Variants in CTNNBL1 observed in about 807,000 individuals in gnomAD.
CTNNBL1 encodes the protein beta-catenin-like protein 1.
A neutral mutation model predicts 72.7 loss-of-function variants in CTNNBL1; 31 were observed. The ratio of observed to expected loss-of-function variants is 0.43; its 90% CI spans 0.32 to 0.58. The LOEUF is 0.58. CTNNBL1 is among the 20% of genes least tolerant of loss of function. The pLI is 0.08. For synonymous variants in CTNNBL1, 240 were observed against 267.3 expected, an observed-to-expected ratio of 0.90 and a Z score of 1.00; for missense variants, 534 against 725.1, an observed-to-expected ratio of 0.74 and a Z score of 3.03.
intron 11 of CTNNBL1, among the ~76,000 whole-genome samples, chr20:37,832,051 G>C (rs893968810): frequency 3.3e-5 from 5 of 152,228 alleles, no homozygotes; most frequent in African/African-American, 1.2e-4. Context: ...ACTGTCTGCA[G>C]GTCTCCCAGA....
At chr20:37,834,515 C>A (rs1244584642) in intron 11 of CTNNBL1, among the ~76,000 whole-genome samples, 1 of 152,146 alleles carries the variant, frequency 6.6e-6, no homozygotes, top group Admixed American at 6.5e-5. Flanking sequence ...ATTTTTTAAT[C>A]CACATTTACA....
chr20:37,720,227 A>G (rs1220266547), intron 1 of CTNNBL1, among the ~76,000 whole-genome samples: 4 of 151,884 alleles, frequency 2.6e-5, no homozygotes, highest in Admixed American at 2.6e-4. Context: ...AGGGGGTTTC[A>G]CCATGTTAGC....
At chr20:37,762,033 A>G (rs1009704285) in intron 5 of CTNNBL1, among the ~76,000 whole-genome samples, 1 of 152,180 alleles carries the variant, frequency 6.6e-6, no homozygotes, top group East Asian at 1.9e-4. Flanking sequence ...GGGTGAAGGG[A>G]AGTAATTAGA....
chr20:37,868,127 T>G (rs1483902009), intron 15 of CTNNBL1, among the ~76,000 whole-genome samples: 2 of 152,340 alleles, frequency 1.3e-5, no homozygotes, highest in African/African-American at 4.8e-5. Context: ...CACCCACATC[T>G]GTCCTGGCCA....
At chr20:37,805,304 C>T (rs2071945762) in intron 11 of CTNNBL1, among the ~76,000 whole-genome samples, 1 of 152,226 alleles carries the variant, frequency 6.6e-6, no homozygotes, top group Non-Finnish European at 1.5e-5. Context: ...CCCGGGCTTC[C>T]AGCATGCTCT....
chr20:37,770,727 A>G (rs1369321470), intron 7 of CTNNBL1, among the ~76,000 whole-genome samples: 1 of 152,218 alleles, frequency 6.6e-6, no homozygotes, highest in African/African-American at 2.4e-5. Flanking sequence ...ACAAATAGCC[A>G]TGTTGCTGTC....
intron 11 of CTNNBL1, among the ~76,000 whole-genome samples, chr20:37,805,563 C>CT (rs1412006233): frequency 4.0e-5 from 6 of 151,728 alleles, no homozygotes; most frequent in African/African-American, 1.5e-4. Context: ...CACCCAGCTA[C>CT]TTTTTGTATT....
Position 37,860,019 on chromosome 20 carries a change from A to G in CTNNBL1, c.1513A>G (p.Asn505Asp), listed in dbSNP as rs546129500. ...CTGCTACATCATGGCCGAGATCTGC[A>G]ATGCCAATGTCCCCCAGGTAGGAGG... Reference protein sequence around the residue: ...HICYIMAEICNANVPQIRQRV... With the variant: ...HICYIMAEICDANVPQIRQRV... The change falls in exon 14 of 16, where the codon AAT becomes GAT. Residue 505 changes from asparagine to aspartate, a missense_variant. Physicochemically the swap from Asn to Asp is conservative, Grantham distance 23. Transcript: ENST00000361383. 6 of 1,614,164 alleles carry G rather than the reference A, an allele frequency of 3.7e-6. No homozygotes were observed. In the East Asian group the frequency reaches 1.3e-4, roughly 36 times the overall value.
chr20:37,773,163 A>C (rs2073540670), intron 7 of CTNNBL1, among the ~76,000 whole-genome samples: 1 of 152,232 alleles, frequency 6.6e-6, no homozygotes, highest in Non-Finnish European at 1.5e-5. Context: ...GTTATATTAC[A>C]TGTACAACTG....
At chr20:37,724,551 T>C (rs1005824619) in intron 1 of CTNNBL1, among the ~76,000 whole-genome samples, 9 of 152,200 alleles carry the variant, frequency 5.9e-5, no homozygotes, top group African/African-American at 2.2e-4. Context: ...GGTGAGTGTC[T>C]GGTCACTGGA....
chr20:37,762,165 A>G (rs944263433), intron 5 of CTNNBL1, among the ~76,000 whole-genome samples: 2 of 152,178 alleles, frequency 1.3e-5, no homozygotes, highest in Non-Finnish European at 2.9e-5. Context: ...CTAGGATACA[A>G]CAGGCCTGAG....
intron 13 of CTNNBL1, among the ~76,000 whole-genome samples, chr20:37,857,241 A>G (rs1366656054): frequency 6.6e-6 from 1 of 152,252 alleles, no homozygotes; most frequent in Non-Finnish European, 1.5e-5. Context: ...GTGCTCCATG[A>G]CTACCTCGTG....
chr20:37,853,423 C>T (rs1258631324), intron 13 of CTNNBL1, among the ~76,000 whole-genome samples: 1 of 152,188 alleles, frequency 6.6e-6, no homozygotes, highest in African/African-American at 2.4e-5. Context: ...CATTGCTTCT[C>T]CAGAGACTGA....
chr20:37,782,996 A>G (rs1365003295), intron 10 of CTNNBL1, among the ~76,000 whole-genome samples: 2 of 152,172 alleles, frequency 1.3e-5, no homozygotes, highest in Non-Finnish European at 2.9e-5. Flanking sequence ...CACAGTGTCT[A>G]CCATATAGGA....
At chr20:37,709,450 G>A (rs2072918554) in intron 1 of CTNNBL1, among the ~76,000 whole-genome samples, 1 of 152,172 alleles carries the variant, frequency 6.6e-6, no homozygotes, top group African/African-American at 2.4e-5. Flanking sequence ...TCCTCTGCTG[G>A]TATATAATGT....
intron 1 of CTNNBL1, among the ~76,000 whole-genome samples, chr20:37,708,002 C>T (rs1010504444): frequency 1.1e-4 from 16 of 152,034 alleles, no homozygotes; most frequent in African/African-American, 3.6e-4. Flanking sequence ...TCATTAAGTT[C>T]GCTGTCTCAC....
At chr20:37,845,967 G>A (rs762717427) in intron 13 of CTNNBL1, among the ~76,000 whole-genome samples, 4 of 152,170 alleles carry the variant, frequency 2.6e-5, no homozygotes, top group Non-Finnish European at 4.4e-5. Context: ...CACAGTGCAC[G>A]TGCCCATGGT....
chr20:37,738,656 G>A (rs2073189615), intron 3 of CTNNBL1, among the ~76,000 whole-genome samples: 1 of 152,190 alleles, frequency 6.6e-6, no homozygotes, highest in Non-Finnish European at 1.5e-5. Flanking sequence ...TGACTATAAA[G>A]GCAAGGTAGA....
chr20:37,818,591 A>C (rs1024127010), intron 11 of CTNNBL1, among the ~76,000 whole-genome samples: 1 of 152,216 alleles, frequency 6.6e-6, no homozygotes, highest in African/African-American at 2.4e-5. Flanking sequence ...CAGGCAGAGG[A>C]CCTGGACCAG....
Sources: allele counts gnomAD v4.1 joint callset (sites outside exome capture counted in the v4.1 genomes callset), GRCh38; gene constraint gnomAD v4.1.1; transcripts MANE v1.5; gene names NCBI Gene and HGNC (gene_info 2026-07-23, HGNC 2026-07-21).